PHF23: variants seen among roughly 807,000 people sequenced by gnomAD.
PHF23 encodes PHD finger protein 23.
Under a neutral mutation model 36.0 loss-of-function variants are expected in PHF23, and 3 were observed. That is an observed-to-expected ratio of 0.08 (90% CI 0.04 to 0.22). The LOEUF (loss-of-function observed/expected upper bound fraction) is 0.22. Among genes scored for constraint, PHF23 ranks in the 10% least tolerant of loss-of-function variants. The pLI is 1.00. For missense variants in PHF23, 475 were observed against 513.6 expected, an observed-to-expected ratio of 0.92 and a Z score of 0.73; for synonymous variants, 242 against 192.5, an observed-to-expected ratio of 1.26 and a Z score of -2.13.
Position 7,236,808 on chromosome 17 carries a change from G to A in PHF23, c.160-41C>T. 6.4e-7 allele frequency: 1 copy of A among 1,565,574 alleles called. No individual in the cohort carries two copies. The highest frequency in any genetic ancestry group is 2.0e-4 in the Middle Eastern group (1 of 5,054). ...AGACCAGGGTCAGCAGAACCCCAGT[G>A]TCATCTCAGCCCCTCCACAAACCCA... On this transcript the variant is annotated intron_variant, in intron 3 of 4. Coordinates refer to ENST00000320316, the MANE Select transcript of PHF23 (RefSeq NM_024297.3). This position sits in a 1 kb window ranked among gnomAD's most constrained non-coding sequence, Gnocchi z 5.1.
At position 7,236,714 on chromosome 17, in the gene PHF23, C is replaced by T. The variant is rs375792499; in HGVS notation, c.213G>A (p.Ala71=). 48 of 1,613,792 alleles carry T rather than the reference C, an allele frequency of 3.0e-5. No individual in the cohort carries two copies. Among genetic ancestry groups the T allele is most frequent in the South Asian group, 1.5e-4 (14 of 91,082 alleles). The change falls in exon 4 of 5, where the codon GCG becomes GCA. Residue 71 remains alanine, a synonymous_variant. Transcript: ENST00000320316. The surrounding 1 kb of genome is among the most constrained non-coding windows in gnomAD (Gnocchi z 5.1). ...GSSSPLRGES[A]ADSDGWDSAP... ...CCGAGTCCCAGCCATCACTGTCGGC[C>T]GCACTCTCTCCTCGCAATGGAGAGC...
chr17:7,239,719 C>T (rs949691035), upstream of PHF23: 1 of 154,138 alleles, frequency 6.5e-6, no homozygotes. Context: ...GGCGGGGAGA[C>T]CAGGAGCCGG....
Position 7,235,527 on chromosome 17 carries a change from G to T in PHF23, c.*99C>A. The T allele has an allele frequency of 1.6e-6, 2 of 1,229,392 alleles. No individual in the cohort carries two copies. The highest frequency in any genetic ancestry group is 1.2e-5 in the South Asian group (1 of 80,330). The allele number at this position is 1,229,392 out of a possible 1,614,324, so 76.2% of individuals were successfully genotyped here. Reference sequence around the variant, plus strand: ...CCCTTGAGAATTCCTGCCTTGAAGTGCAGACAGTATCCAAGCTCCAGGGGA... The same window carrying T: ...CCCTTGAGAATTCCTGCCTTGAAGTTCAGACAGTATCCAAGCTCCAGGGGA... On this transcript the variant is annotated 3_prime_UTR_variant, in exon 5 of 5. Transcript: ENST00000320316.
rs1276820270 is a variant in PHF23, at chr17:7,239,399, T to G, written c.-120A>C. ...CACAGAAGTGTCCGCCTCAGCCCGG[T>G]TGAGACTCGAGTCCGCTAGCCGCTG... On this transcript the variant is annotated 5_prime_UTR_variant, in exon 1 of 5. Transcript: ENST00000320316. 1 of 526,858 alleles carries G rather than the reference T, an allele frequency of 1.9e-6. No individual in the cohort carries two copies. The highest frequency in any genetic ancestry group is 3.5e-6 in the Non-Finnish European group (1 of 288,054). 32.6% of individuals were successfully genotyped at this position (526,858 alleles called of 1,614,324 possible). A position where few individuals can be genotyped will look rare whatever the true frequency, so the allele number is the denominator to read the frequency against.
chr17:7,237,634 T>G lies in PHF23; in HGVS notation c.61A>C (p.Thr21Pro). 1 of 1,613,816 alleles carries G rather than the reference T, an allele frequency of 6.2e-7. No individual in the cohort carries two copies. ...EDPPPTLKPE[T>P]QPPEKRRRTI... ...AAAGGTAAGGCAAACCTCACCTGAG[T>G]CTCTGGCTTAAGGGTCGGAGGTGGA... Residue 21 changes from threonine (T) to proline (P), a missense_variant, in exon 2 of 5, where the codon ACT becomes CCT. Physicochemically the swap from Thr to Pro is conservative, Grantham distance 38. Coordinates refer to ENST00000320316, the MANE Select transcript of PHF23 (RefSeq NM_024297.3).
At chr17:7,239,562 C>T (rs571624651), upstream of PHF23, 5 of 345,182 alleles carry the variant, frequency 1.4e-5, no homozygotes, top group Non-Finnish European at 2.7e-5. Flanking sequence ...CTCCTCCCCC[C>T]GCCGGCGCCG....
chr17:7,236,171 TTCC>T lies in PHF23; in HGVS notation c.753_755del (p.Glu261del), dbSNP rs757243478. The T allele has an allele frequency of 1.8e-4, 287 of 1,610,680 alleles. No homozygotes were observed. Among genetic ancestry groups the T allele is most frequent in the East Asian group, 2.7e-4 (12 of 44,846 alleles). Reference sequence around the variant, plus strand: ...CTTCTTCTTCTTCCTCTTCCTCCTCTTCCTCCTCCTCTTCAGAGTCTGTATCAC... The same window carrying T: ...CTTCTTCTTCTTCCTCTTCCTCCTCTTCCTCCTCTTCAGAGTCTGTATCAC... On this transcript the variant is annotated inframe_deletion, in exon 4 of 5. Transcript: ENST00000320316. This position sits in a 1 kb window ranked among gnomAD's most constrained non-coding sequence, Gnocchi z 5.1.
chr17:7,238,794 C>G (rs1031209908), intron 1 of PHF23: 1 of 1,534,598 alleles, frequency 6.5e-7, no homozygotes, highest in Admixed American at 2.0e-5. Context: ...ACCTCTCCGA[C>G]AATCACCGGG....
chr17:7,238,935 T>C lies in PHF23; in HGVS notation c.34+311A>G. 9 of 1,509,060 alleles carry C rather than the reference T, an allele frequency of 6.0e-6. No individual in the cohort carries two copies. The South Asian group carries it at 1.1e-4, about 19-fold the overall frequency. The allele number at this position is 1,509,060 out of a possible 1,614,324, so 93.5% of individuals were successfully genotyped here. On this transcript the variant is annotated intron_variant, in intron 1 of 4. Transcript: ENST00000320316. Reference sequence around the variant, plus strand: ...CTGAGCAACTCTCCGGCCACTGGATTCCCCTAACCTTCCAGTTCCAGGGCC... The same window carrying C: ...CTGAGCAACTCTCCGGCCACTGGATCCCCCTAACCTTCCAGTTCCAGGGCC...
chr17:7,238,773 A>G, intron 1 of PHF23: 1 of 1,529,544 alleles, frequency 6.5e-7, no homozygotes, highest in Non-Finnish European at 8.7e-7. Context: ...TCTCCCCACA[A>G]CTACCTGCCC....
At position 7,237,399 on chromosome 17, in the gene PHF23, G is replaced by A. The variant is rs2071690844; in HGVS notation, c.145C>T (p.Pro49Ser). The change falls in exon 3 of 5, where the codon CCC becomes TCC. Residue 49 changes from proline (P) to serine (S), a missense_variant. By Grantham distance (74) the Pro-to-Ser change is moderately conservative. Coordinates refer to ENST00000320316, the MANE Select transcript of PHF23 (RefSeq NM_024297.3). Reference sequence around the variant, plus strand: ...CTTGCCCCTACCTCTTTGCTAGGGGGAATGTAACCAGCATATGCCAAAACA... The same window carrying A: ...CTTGCCCCTACCTCTTTGCTAGGGGAAATGTAACCAGCATATGCCAAAACA... Reference protein sequence around the residue: ...SFVLAYAGYIPPSKEESDWPA... With the variant: ...SFVLAYAGYISPSKEESDWPA... 3.1e-6 allele frequency: 5 copies of A among 1,613,540 alleles called. No individual in the cohort carries two copies. The highest frequency in any genetic ancestry group is 1.1e-5 in the South Asian group (1 of 91,072).
In PHF23 at chr17:7,235,467, G is replaced by A; in HGVS notation, c.*159C>T. ...CCACAGAGTGGGGAGGAAGGATAGGGTGGGAAAGTGAGACACTCATTTTCA... is the reference window on the plus strand; with the variant it reads ...CCACAGAGTGGGGAGGAAGGATAGGATGGGAAAGTGAGACACTCATTTTCA... On this transcript the variant is annotated 3_prime_UTR_variant, in exon 5 of 5. Coordinates refer to ENST00000320316, the MANE Select transcript of PHF23 (RefSeq NM_024297.3). 9 of 733,900 alleles carry A rather than the reference G, an allele frequency of 1.2e-5. No homozygotes were observed. Among genetic ancestry groups the A allele is most frequent in the Non-Finnish European group, 2.0e-5 (9 of 442,276 alleles). 45.5% of individuals were successfully genotyped at this position (733,900 alleles called of 1,614,324 possible).
Position 7,237,471 on chromosome 17 carries a change from C to G in PHF23, c.73G>C (p.Glu25Gln). The change falls in exon 3 of 5, where the codon GAG becomes CAG. Residue 25 changes from glutamate (E) to glutamine (Q), a missense_variant. Coordinates refer to ENST00000320316, the MANE Select transcript of PHF23 (RefSeq NM_024297.3). The stretch of plus-strand genomic sequence containing the variant: ...TCCTCAATTGTTCTCCGCCGTTTCT[C>G]TGGTGGCTGAAAGGAAGGAGATATG... ...PTLKPETQPP[E>Q]KRRRTIEDFN... 6.2e-7 allele frequency: 1 copy of G among 1,614,040 alleles called. No homozygotes were observed. The highest frequency in any genetic ancestry group is 8.5e-7 in the Non-Finnish European group (1 of 1,179,946).
At chr17:7,240,787 G>A (rs2071768006), upstream of PHF23, 3 of 1,044,450 alleles carry the variant, frequency 2.9e-6, no homozygotes, top group African/African-American at 1.6e-5. Flanking sequence ...GGAGGAGGAG[G>A]TCAAGAAAGG....
intron 1 of PHF23, 45 bp from the exon 2 acceptor site, chr17:7,237,705 G>C: frequency 6.2e-7 from 1 of 1,606,942 alleles, no homozygotes; most frequent in Middle Eastern, 1.7e-4. Context: ...GGAACAATCT[G>C]TGTAAAACTC....
chr17:7,235,663 C>A lies in PHF23; in HGVS notation c.1175G>T (p.Arg392Leu). ...QKCKELRPEA[R>L]RLGGPPKSGE... ...AGATTTGGGAGGCCCCCCTAACCGC[C>A]GGGCCTCTGGCCTCAGTTCCTTGCA... The change falls in exon 5 of 5, where the codon CGG (arginine) becomes CTG (leucine). Residue 392 changes from arginine (R) to leucine (L), a missense_variant. Physicochemically the swap from Arg to Leu is moderately radical, Grantham distance 102 (BLOSUM62 -2). This residue lies in a region of PHF23 where 28 missense variants were observed against 24.6 expected (regional missense o/e 1.14). Coordinates refer to ENST00000320316, the MANE Select transcript of PHF23 (RefSeq NM_024297.3). 6.2e-7 allele frequency: 1 copy of A among 1,614,090 alleles called. No homozygotes were observed. Among genetic ancestry groups the A allele is most frequent in the South Asian group, 1.1e-5 (1 of 91,074 alleles).
upstream of PHF23, chr17:7,240,738 T>G (rs2071767078): frequency 6.9e-6 from 5 of 720,456 alleles, no homozygotes; most frequent in Non-Finnish European, 1.0e-5. Flanking sequence ...CATTAAGAAG[T>G]GCCGGTCCTG....
In PHF23 at chr17:7,236,973, T is replaced by A. The variant is rs1330012499; in HGVS notation, c.160-206A>T. ...AGTCCGTGTTACCTCTACCCTCAAG[T>A]CTGACACCTCACCGCTGCCCCTGCC... On this transcript the variant is annotated intron_variant, in intron 3 of 4. Coordinates refer to ENST00000320316, the MANE Select transcript of PHF23 (RefSeq NM_024297.3). This position sits in a 1 kb window ranked among gnomAD's most constrained non-coding sequence, Gnocchi z 5.1. Among the ~76,000 whole-genome samples, 1 of 152,204 alleles carries A rather than the reference T, an allele frequency of 6.6e-6. No homozygotes were observed. The highest frequency in any genetic ancestry group is 2.4e-5 in the African/African-American group (1 of 41,446).
chr17:7,239,383 G>A lies in PHF23; in HGVS notation c.-104C>T. 1 of 605,484 alleles carries A rather than the reference G, an allele frequency of 1.7e-6. No homozygotes were observed. Among genetic ancestry groups the A allele is most frequent in the South Asian group, 1.9e-5 (1 of 53,786 alleles). The allele number at this position is 605,484 out of a possible 1,614,324, so 37.5% of individuals were successfully genotyped here. A position where few individuals can be genotyped will look rare whatever the true frequency, so the allele number is the denominator to read the frequency against. On this transcript the variant is annotated 5_prime_UTR_variant, in exon 1 of 5. Coordinates refer to ENST00000320316, the MANE Select transcript of PHF23 (RefSeq NM_024297.3). ...TCCCACTGCTTCGCTCCACAGAAGTGTCCGCCTCAGCCCGGTTGAGACTCG... is the reference window on the plus strand; with the variant it reads ...TCCCACTGCTTCGCTCCACAGAAGTATCCGCCTCAGCCCGGTTGAGACTCG...
Sources: allele counts gnomAD v4.1 joint callset (sites outside exome capture counted in the v4.1 genomes callset), GRCh38; gene constraint gnomAD v4.1.1; regional missense constraint gnomAD v4.1.1; non-coding constraint Gnocchi (gnomAD v3.1); transcripts MANE v1.5; gene names NCBI Gene and HGNC (gene_info 2026-07-23, HGNC 2026-07-21).